The following MUC22 variants were observed in gnomAD, a reference collection of about 807,000 sequenced individuals.
MUC22 encodes mucin 22, also known as mucin-22.
MUC22 carries 24 observed loss-of-function variants against 40.3 expected under a neutral mutation model. That is an observed-to-expected ratio of 0.60 (90% CI 0.43 to 0.84). MUC22 has a LOEUF of 0.84. MUC22 is among the 40% of genes least tolerant of loss of function. MUC22 has a pLI of 0.00. For missense variants in MUC22, 1,926 were observed against 2,130.7 expected (o/e 0.90, Z 1.89); for synonymous variants, 765 against 844.5 (o/e 0.91, Z 1.63).
chr6:31,025,832 T>A (rs1765245926), exon 2 of MUC22: 1 of 1,531,878 alleles, frequency 6.5e-7, no homozygotes. Context: ...TCCACCACAG[T>A]CTCTGGGACC....
intron 1 of MUC22, among the ~76,000 whole-genome samples, chr6:31,015,224 G>T (rs1420568710): frequency 6.6e-6 from 1 of 152,168 alleles, no homozygotes; most frequent in Non-Finnish European, 1.5e-5. Context: ...ATCAGCTCAT[G>T]CTCCTGGCTG....
intron 1 of MUC22, among the ~76,000 whole-genome samples, chr6:31,018,029 A>C (rs1300064413): frequency 6.6e-6 from 1 of 152,228 alleles, no homozygotes; most frequent in Non-Finnish European, 1.5e-5. Flanking sequence ...ACACATCTGA[A>C]CATCAGAAGG....
chr6:31,025,673 T>C (rs942797729), exon 2 of MUC22: 1 of 1,529,322 alleles, frequency 6.5e-7, no homozygotes, highest in Admixed American at 2.0e-5. Flanking sequence ...GCCTCCACCA[T>C]GGCTTCTACT....
intron 1 of MUC22, among the ~76,000 whole-genome samples, chr6:31,020,441 C>CTT (rs3084519): frequency 0.081 from 10,212 of 126,602 alleles, 634 homozygotes; most frequent in Middle Eastern, 0.12. Context: ...TGGAAATTGA[C>CTT]TTTTTTTTTT....
chr6:31,035,116 T>A, exon 4 of MUC22: 1 of 682,876 alleles, frequency 1.5e-6, no homozygotes. Context: ...CAGGATGTGA[T>A]CCATGGAGAT....
Position 31,011,288 on chromosome 6 carries a change from G to A in MUC22, c.70+512G>A, listed in dbSNP as rs74295919. On this transcript the variant is annotated intron_variant, in intron 1 of 3. Transcript: ENST00000561890. The surrounding 1 kb of genome is among the most constrained non-coding windows in gnomAD (Gnocchi z 4.5). ...TGAATTGTGAGACTTTGGTGCACCCGTCACCAAGCAGTGTACACCGCACCC... is the reference window on the plus strand; with the variant it reads ...TGAATTGTGAGACTTTGGTGCACCCATCACCAAGCAGTGTACACCGCACCC... Among the ~76,000 whole-genome samples, 18,852 of 151,498 alleles carry A rather than the reference G, an allele frequency of 0.12. 1,375 individuals carry two copies. The highest frequency in any genetic ancestry group is 0.19 in the African/African-American group (7,682 of 41,358).
rs141161878 is a variant in MUC22, at chr6:31,019,366, C to A, written c.71-6136C>A. On this transcript the variant is annotated intron_variant, in intron 1 of 3. Transcript: ENST00000561890. ...CCTAGTTCAAGCAATAATTACTGCTCTTAATTTTTTCACTCTTGCCCTCCT... is the reference window on the plus strand; with the variant it reads ...CCTAGTTCAAGCAATAATTACTGCTATTAATTTTTTCACTCTTGCCCTCCT... Among the ~76,000 whole-genome samples the A allele has an allele frequency of 2.7e-3, 413 of 152,338 alleles. 11 individuals carry two copies. The South Asian group carries it at 0.057, about 21-fold the overall frequency.
At chr6:31,008,719 A>T (rs2530696), upstream of MUC22, among the ~76,000 whole-genome samples, 22,369 of 151,396 alleles carry the variant, frequency 0.15, 1,724 homozygotes, top group Admixed American at 0.2. Context: ...CAGCTAATTT[A>T]TTTTTATTTT....
upstream of MUC22, among the ~76,000 whole-genome samples, chr6:31,008,115 G>T (rs1347577944): frequency 6.6e-6 from 1 of 152,254 alleles, no homozygotes; most frequent in African/African-American, 2.4e-5. Flanking sequence ...TCAAAGTCCT[G>T]TTTGGACATG....
upstream of MUC22, among the ~76,000 whole-genome samples, chr6:31,007,683 T>C (rs747977990): frequency 2.0e-5 from 3 of 152,174 alleles, no homozygotes; most frequent in Non-Finnish European, 4.4e-5. This position sits in a 1 kb window ranked among gnomAD's most constrained non-coding sequence, Gnocchi z 4.0. Flanking sequence ...TTCAAATCTA[T>C]GCTATGTTTA....
exon 2 of MUC22, chr6:31,030,094 A>G (rs1765941733): frequency 3.3e-6 from 5 of 1,526,214 alleles, no homozygotes; most frequent in Non-Finnish European, 1.8e-6. Flanking sequence ...CAACACACCT[A>G]TGTCAGGTAC....
intron 1 of MUC22, among the ~76,000 whole-genome samples, chr6:31,021,017 CTTCTGTGCGGCCGG>C (rs199881549): frequency 0.18 from 26,853 of 152,126 alleles, 2,486 homozygotes; most frequent in African/African-American, 0.2. Flanking sequence ...CCTCCATGGG[CTTCTGTGCGGCCGG>C]AGCCTCCCCG....
At chr6:31,021,537 T>C (rs1309663025) in intron 1 of MUC22, among the ~76,000 whole-genome samples, 1 of 146,024 alleles carries the variant, frequency 6.8e-6, no homozygotes, top group Non-Finnish European at 1.5e-5. Context: ...GCACTCTGTA[T>C]CTAGCTCAAG....
chr6:31,030,516 C>CAAAA (rs372027490), intron 2 of MUC22, among the ~76,000 whole-genome samples: 15 of 127,476 alleles, frequency 1.2e-4, no homozygotes, highest in South Asian at 2.6e-4. Context: ...GACTCCGTCT[C>CAAAA]AAAAAAAAAA....
At chr6:31,008,828 T>C (rs1233852648), upstream of MUC22, among the ~76,000 whole-genome samples, 2 of 152,200 alleles carry the variant, frequency 1.3e-5, no homozygotes, top group Non-Finnish European at 2.9e-5. Context: ...ATTACAGGCG[T>C]GAGCCACCAA....
In MUC22 at chr6:31,027,493, G is replaced by A. The variant is rs1215647803; in HGVS notation, c.2062G>A (p.Ala688Thr). Reference sequence around the variant, plus strand: ...CACCACAGTCTTTGAGACCACTACAGCCTCTACTGAAGGCTCTGAGATCAC... The same window carrying A: ...CACCACAGTCTTTGAGACCACTACAACCTCTACTGAAGGCTCTGAGATCAC... Residue 688 changes from alanine to threonine, a missense_variant, in exon 2 of 4, where the codon GCC becomes ACC. This residue lies in a region of MUC22 where 1,281 missense variants were observed against 1,337.8 expected (regional missense o/e 0.96). Coordinates refer to ENST00000561890, the Ensembl canonical transcript of MUC22. The A allele has an allele frequency of 1.6e-5, 25 of 1,531,652 alleles. 1 individual carries two copies. Among genetic ancestry groups the A allele is most frequent in the Non-Finnish European group, 2.1e-5 (24 of 1,144,632 alleles). 94.9% of individuals were successfully genotyped at this position (1,531,652 alleles called of 1,614,324 possible). A position where few individuals can be genotyped will look rare whatever the true frequency, so the allele number is the denominator to read the frequency against.
Position 31,026,396 on chromosome 6 carries a change from C to T in MUC22, c.965C>T (p.Thr322Met), listed in dbSNP as rs773984618. The T allele has an allele frequency of 5.3e-6, 8 of 1,507,738 alleles. 2 individuals are homozygous for T. Among genetic ancestry groups the T allele is most frequent in the African/African-American group, 1.4e-5 (1 of 71,940 alleles). 93.4% of individuals were successfully genotyped at this position (1,507,738 alleles called of 1,614,324 possible). The change falls in exon 2 of 4, where the codon ACG becomes ATG. Residue 322 changes from threonine (T) to methionine (M), a missense_variant. Physicochemically the swap from Thr to Met is moderately conservative, Grantham distance 81. Coordinates refer to ENST00000561890, the Ensembl canonical transcript of MUC22. Reference sequence around the variant, plus strand: ...GGTTCTGAGATCACCACCACCTCTACGGCAGGATCCGAGAACACCACAGTC... The same window carrying T: ...GGTTCTGAGATCACCACCACCTCTATGGCAGGATCCGAGAACACCACAGTC...
chr6:31,026,598 C>T lies in MUC22; in HGVS notation c.1167C>T (p.Thr389=), dbSNP rs1242094249. The change falls in exon 2 of 4, where the codon ACC becomes ACT. Residue 389 remains threonine (T), a synonymous_variant. Coordinates refer to ENST00000561890, the Ensembl canonical transcript of MUC22. ...CTACAAGCTCTGAGACCACCGTCAC[C>T]TCTACTGCAGGCTCTGAGACCACCA... 3.3e-6 allele frequency: 5 copies of T among 1,506,618 alleles called. No individual in the cohort carries two copies. In the African/African-American group the frequency reaches 4.2e-5, roughly 13 times the overall value. 93.3% of individuals were successfully genotyped at this position (1,506,618 alleles called of 1,614,324 possible). A position where few individuals can be genotyped will look rare whatever the true frequency, so the allele number is the denominator to read the frequency against.
exon 2 of MUC22, chr6:31,029,789 C>T: frequency 6.8e-7 from 1 of 1,475,830 alleles, no homozygotes; most frequent in Non-Finnish European, 9.0e-7. Flanking sequence ...ACTGCAGGCT[C>T]TGAGACCACC....
Sources: allele counts gnomAD v4.1 joint callset (sites outside exome capture counted in the v4.1 genomes callset), GRCh38; gene constraint gnomAD v4.1.1; regional missense constraint gnomAD v4.1.1; non-coding constraint Gnocchi (gnomAD v3.1); transcripts MANE v1.5; gene names NCBI Gene and HGNC (gene_info 2026-07-23, HGNC 2026-07-21).